Variants in ST18 observed in about 807,000 individuals in gnomAD.
The protein encoded by ST18 is suppression of tumorigenicity 18 protein.
ST18 carries 50 observed loss-of-function variants against 110.0 expected under a neutral mutation model. The ratio of observed to expected loss-of-function variants is 0.45; its 90% CI spans 0.36 to 0.58. ST18 has a LOEUF of 0.58. ST18 is among the 20% of genes least tolerant of loss of function. ST18 has a pLI of 0.00. For synonymous variants in ST18, 461 were observed against 452.4 expected (o/e 1.02, Z -0.24); for missense variants, 1,306 against 1,280.1 (o/e 1.02, Z -0.31).
At chr8:52,286,766 C>T (rs1382828763) in intron 2 of ST18, among the ~76,000 whole-genome samples, 1 of 150,768 alleles carries the variant, frequency 6.6e-6, no homozygotes, top group East Asian at 1.9e-4. Context: ...TGGTATCTGG[C>T]TACTAGATAA....
intron 2 of ST18, among the ~76,000 whole-genome samples, chr8:52,265,135 A>G (rs2094824847): frequency 6.6e-6 from 1 of 152,220 alleles, no homozygotes; most frequent in Non-Finnish European, 1.5e-5. Context: ...TTGTTACCTG[A>G]AAGACTAAAC....
At chr8:52,261,717 C>A (rs1264713500) in intron 2 of ST18, among the ~76,000 whole-genome samples, 18 of 152,180 alleles carry the variant, frequency 1.2e-4, no homozygotes, top group Non-Finnish European at 2.9e-5. Flanking sequence ...CTGTAACTAC[C>A]TTTCCAACCC....
intron 2 of ST18, among the ~76,000 whole-genome samples, chr8:52,338,744 T>C (rs1813405750): frequency 6.6e-6 from 1 of 151,866 alleles, no homozygotes. Flanking sequence ...CTGTTTCTCT[T>C]TCTTTTTTTT....
In ST18 at chr8:52,399,690, A is replaced by G. The variant is rs377093085; in HGVS notation, c.-465+9638T>C. Among the ~76,000 whole-genome samples the G allele has an allele frequency of 6.6e-5, 10 of 152,020 alleles. 1 individual carries two copies. The highest frequency in any genetic ancestry group is 1.9e-4 in the African/African-American group (8 of 41,518). ...TTCCTTTTGACTTCTTCTTTAACCC[A>G]TTTGTTGCTCAGGAACATGTTTAAT... On this transcript the variant is annotated intron_variant, in intron 2 of 25. Coordinates refer to ENST00000689386, the MANE Select transcript of ST18 (RefSeq NM_001352837.2).
Position 52,113,266 on chromosome 8 carries a change from C to A in ST18, c.3076G>T (p.Asp1026Tyr). ...LTDMYSNLER[D>Y]YSPECKALLE... Reference sequence around the variant, plus strand: ...AGAGCTTTGCATTCCGGGGAATAGTCCCGTTCCAGATTGCTGTACATATCT... The same window carrying A: ...AGAGCTTTGCATTCCGGGGAATAGTACCGTTCCAGATTGCTGTACATATCT... The change falls in exon 26 of 26, where the codon GAC becomes TAC. Residue 1026 changes from aspartate (D) to tyrosine (Y), a missense_variant. Physicochemically the swap from Asp to Tyr is radical, Grantham distance 160. Transcript: ENST00000689386. 1.2e-6 allele frequency: 2 copies of A among 1,614,108 alleles called. No individual in the cohort carries two copies. Among genetic ancestry groups the A allele is most frequent in the Non-Finnish European group, 1.7e-6 (2 of 1,179,974 alleles).
At chr8:52,209,958 T>C in intron 8 of ST18, 1 of 403,642 alleles carries the variant, frequency 2.5e-6, no homozygotes, top group South Asian at 1.8e-5. Flanking sequence ...ATTTCTCTTC[T>C]AGGCCAATGT....
At chr8:52,241,327 C>T (rs2093378515) in intron 2 of ST18, among the ~76,000 whole-genome samples, 1 of 152,218 alleles carries the variant, frequency 6.6e-6, no homozygotes, top group Non-Finnish European at 1.5e-5. Flanking sequence ...GATGTTTCCT[C>T]TAAACAAAGG....
chr8:52,286,395 A>G (rs2095472284), intron 2 of ST18, among the ~76,000 whole-genome samples: 1 of 152,222 alleles, frequency 6.6e-6, no homozygotes, highest in African/African-American at 2.4e-5. Flanking sequence ...GAAACAGCAG[A>G]GCAGAGCTTC....
intron 2 of ST18, among the ~76,000 whole-genome samples, chr8:52,264,046 G>C (rs528358935): frequency 6.6e-6 from 1 of 151,988 alleles, no homozygotes; most frequent in South Asian, 2.1e-4. Context: ...TGACCTGCCC[G>C]CCTTGGCCTC....
intron 2 of ST18, among the ~76,000 whole-genome samples, chr8:52,400,768 G>A (rs1427470): frequency 0.58 from 88,123 of 151,882 alleles, 28,822 homozygotes; most frequent in Non-Finnish European, 0.72. Context: ...TTTTTATATC[G>A]CATATTTCTT....
In ST18 at chr8:52,409,551, C is replaced by T. The variant is rs1041937197; in HGVS notation, c.-593G>A. The T allele has an allele frequency of 4.6e-5, 7 of 152,160 alleles. No individual in the cohort carries two copies. Among genetic ancestry groups the T allele is most frequent in the African/African-American group, 1.7e-4 (7 of 41,438 alleles). The allele number at this position is 152,160 out of a possible 1,614,324, so 9.4% of individuals were successfully genotyped here. A position where few individuals can be genotyped will look rare whatever the true frequency, so the allele number is the denominator to read the frequency against. On this transcript the variant is annotated 5_prime_UTR_variant, in exon 1 of 26. An upstream open reading frame in the 5' UTR gains an earlier in-frame stop. Transcript: ENST00000689386. ...TGCCAAGCCAATGTGATAGCACCTT[C>T]CACAACTCTGCCAGGCACTGGTTTT...
At chr8:52,211,830 C>A (rs113924607) in intron 8 of ST18, among the ~76,000 whole-genome samples, 1 of 152,066 alleles carries the variant, frequency 6.6e-6, no homozygotes, top group Non-Finnish European at 1.5e-5. Flanking sequence ...GAAAAGTGGG[C>A]TACCACTCAC....
chr8:52,344,528 G>T (rs372045236), intron 2 of ST18, among the ~76,000 whole-genome samples: 13 of 152,022 alleles, frequency 8.6e-5, no homozygotes, highest in South Asian at 6.2e-4. Context: ...AGCCTCCCAA[G>T]TAGCTGGGAT....
At chr8:52,123,951 T>G (rs1184177187) in intron 23 of ST18, among the ~76,000 whole-genome samples, 9 of 152,224 alleles carry the variant, frequency 5.9e-5, no homozygotes, top group Admixed American at 5.9e-4. Context: ...AGAAATATTT[T>G]CTTCATGCAC....
intron 2 of ST18, among the ~76,000 whole-genome samples, chr8:52,366,617 G>A (rs535438591): frequency 3.5e-4 from 54 of 152,120 alleles, no homozygotes; most frequent in Non-Finnish European, 6.6e-4. Context: ...CTTCATCTGC[G>A]TAACTGCCAT....
Position 52,126,149 on chromosome 8 carries a change from A to G in ST18, c.2667-9T>C, listed in dbSNP as rs761269382. ...GAGGACATCCAGATAAGCTGTGAAA[A>G]TAGAAATTGTACTAATGTATGAAAT... On this transcript the variant is annotated splice_polypyrimidine_tract_variant and intron_variant, in intron 22 of 25. Coordinates refer to ENST00000689386, the MANE Select transcript of ST18 (RefSeq NM_001352837.2). 3.1e-6 allele frequency: 5 copies of G among 1,612,152 alleles called. No homozygotes were observed. In the South Asian group the frequency reaches 5.5e-5, roughly 18 times the overall value.
At chr8:52,298,075 G>T (rs1564441569) in intron 2 of ST18, among the ~76,000 whole-genome samples, 2 of 152,188 alleles carry the variant, frequency 1.3e-5, no homozygotes, top group Non-Finnish European at 2.9e-5. Context: ...CCTGATGCAG[G>T]GCTGGCCATG....
At chr8:52,334,210 T>C (rs1810985149) in intron 2 of ST18, among the ~76,000 whole-genome samples, 1 of 152,258 alleles carries the variant, frequency 6.6e-6, no homozygotes, top group African/African-American at 2.4e-5. Context: ...AGCTTATCTC[T>C]ATTTGCTGCT....
chr8:52,389,344 C>T (rs12679797), intron 2 of ST18, among the ~76,000 whole-genome samples: 75,955 of 152,060 alleles, frequency 0.5, 22,800 homozygotes, highest in Non-Finnish European at 0.66. Flanking sequence ...CTGCTGTTTC[C>T]CTGGACAAGG....
Sources: allele counts gnomAD v4.1 joint callset (sites outside exome capture counted in the v4.1 genomes callset), GRCh38; gene constraint gnomAD v4.1.1; transcripts MANE v1.5; gene names NCBI Gene and HGNC (gene_info 2026-07-23, HGNC 2026-07-21).